Variants in SFMBT2 observed in about 807,000 individuals in gnomAD.
SFMBT2 encodes scm-like with four MBT domains protein 2.
In SFMBT2, 38 loss-of-function variants were observed where a neutral mutation model predicts 110.1. That is an observed-to-expected ratio of 0.35 (90% confidence interval 0.27 to 0.45). SFMBT2 has a LOEUF of 0.45. Ranked by LOEUF, SFMBT2 falls within the 20% of genes least tolerant of loss-of-function variation. The probability of loss-of-function intolerance (pLI) is 1.00; values close to 1 mark genes in which losing one functional copy is unlikely to be tolerated. For missense variants in SFMBT2, 1,011 were observed against 1,094.9 expected (o/e 0.92, Z 1.08); for synonymous variants, 425 against 425.4 (o/e 1.00, Z 0.01).
At chr10:7,321,732 A>G (rs893087201) in intron 4 of SFMBT2, among the ~76,000 whole-genome samples, 1 of 152,214 alleles carries the variant, frequency 6.6e-6, no homozygotes, top group Admixed American at 6.5e-5. Context: ...ATTTCCAAGC[A>G]TATAGCTTTA....
intron 7 of SFMBT2, among the ~76,000 whole-genome samples, chr10:7,248,851 G>T (rs1840707587): frequency 1.3e-5 from 2 of 152,198 alleles, no homozygotes; most frequent in African/African-American, 4.8e-5. Context: ...TTCCAAGGGA[G>T]AGGCAACAAG....
rs183867491 is a variant in SFMBT2, at chr10:7,216,185, C to T, written c.1330+4226G>A. On this transcript the variant is annotated intron_variant, in intron 11 of 20. Transcript: ENST00000397167. ...AAACTGCTGTGACTGCAGCCGACCCCGCTCCCATCGCAGACCGCAGATCAT... is the reference window on the plus strand; with the variant it reads ...AAACTGCTGTGACTGCAGCCGACCCTGCTCCCATCGCAGACCGCAGATCAT... 4.4e-3 allele frequency among the ~76,000 whole-genome samples: 668 copies of T among 152,296 alleles called. 11 individuals are homozygous for T. Among genetic ancestry groups the T allele is most frequent in the East Asian group, 5.8e-3 (30 of 5,182 alleles).
intron 8 of SFMBT2, among the ~76,000 whole-genome samples, chr10:7,246,612 G>A (rs1194400084): frequency 5.3e-5 from 8 of 151,558 alleles, no homozygotes; most frequent in South Asian, 2.1e-4. Flanking sequence ...CCAGCTACTC[G>A]GGAGGCTGAG....
chr10:7,182,923 T>C (rs1294200838), intron 16 of SFMBT2, among the ~76,000 whole-genome samples: 5 of 152,082 alleles, frequency 3.3e-5, no homozygotes, highest in Non-Finnish European at 7.4e-5. Context: ...TGCTTTTCAC[T>C]TTCTACTGAC....
At chr10:7,284,375 C>A in intron 5 of SFMBT2, 1 of 1,285,698 alleles carries the variant, frequency 7.8e-7, no homozygotes, top group Non-Finnish European at 9.8e-7. Flanking sequence ...ACAAAAAAAT[C>A]ACAAGTCAAT....
chr10:7,356,194 A>C (rs1343141242), intron 4 of SFMBT2, among the ~76,000 whole-genome samples: 1 of 152,194 alleles, frequency 6.6e-6, no homozygotes, highest in Non-Finnish European at 1.5e-5. Flanking sequence ...TTGTCTGTGC[A>C]TGTGATTCTC....
At chr10:7,228,797 T>C (rs1840025169) in intron 9 of SFMBT2, among the ~76,000 whole-genome samples, 1 of 149,076 alleles carries the variant, frequency 6.7e-6, no homozygotes, top group African/African-American at 2.5e-5. Flanking sequence ...TCCCTCTCTC[T>C]CTCTCTTTCT....
chr10:7,168,492 C>T (rs920654512), intron 20 of SFMBT2, among the ~76,000 whole-genome samples: 6 of 152,218 alleles, frequency 3.9e-5, no homozygotes, highest in Non-Finnish European at 8.8e-5. Context: ...AGGCACCTCG[C>T]AGGGACTGAA....
At chr10:7,223,397 A>ATG (rs2131660209) in intron 10 of SFMBT2, among the ~76,000 whole-genome samples, 1 of 152,162 alleles carries the variant, frequency 6.6e-6, no homozygotes, top group African/African-American at 2.4e-5. Flanking sequence ...GATGCTGAGC[A>ATG]TGTTTTTTTG....
intron 15 of SFMBT2, among the ~76,000 whole-genome samples, chr10:7,197,264 G>A (rs1025906709): frequency 6.6e-6 from 1 of 152,130 alleles, no homozygotes; most frequent in African/African-American, 2.4e-5. Context: ...TCTTCCCTCT[G>A]TCTTCCCAAA....
chr10:7,332,923 G>A (rs1843607372), intron 4 of SFMBT2, among the ~76,000 whole-genome samples: 1 of 152,216 alleles, frequency 6.6e-6, no homozygotes, highest in African/African-American at 2.4e-5. Context: ...CGGGAGTGCA[G>A]TGGCATGATC....
intron 11 of SFMBT2, among the ~76,000 whole-genome samples, chr10:7,211,177 C>T (rs988861886): frequency 1.3e-5 from 2 of 151,972 alleles, no homozygotes; most frequent in Non-Finnish European, 2.9e-5. Flanking sequence ...TTTCCTTCCT[C>T]GTTTTTATTT....
At chr10:7,329,396 T>TCAGCG in intron 4 of SFMBT2, 2 of 976,806 alleles carry the variant, frequency 2.0e-6, no homozygotes, top group Non-Finnish European at 2.4e-6. Flanking sequence ...TCAGCAGCCA[T>TCAGCG]CAGCGCAGCA....
intron 10 of SFMBT2, among the ~76,000 whole-genome samples, chr10:7,221,963 A>G (rs1335057562): frequency 6.6e-6 from 1 of 152,114 alleles, no homozygotes; most frequent in Admixed American, 6.5e-5. Flanking sequence ...GCAACCACCA[A>G]TCTGTTTTCT....
intron 17 of SFMBT2, among the ~76,000 whole-genome samples, chr10:7,174,305 C>A (rs1373071545): frequency 6.6e-6 from 1 of 152,236 alleles, no homozygotes; most frequent in East Asian, 1.9e-4. Flanking sequence ...CCCTCCCAAA[C>A]CCCAAGCGTG....
intron 4 of SFMBT2, among the ~76,000 whole-genome samples, chr10:7,352,422 A>G (rs1031465305): frequency 6.6e-6 from 1 of 152,210 alleles, no homozygotes; most frequent in Non-Finnish European, 1.5e-5. Context: ...TCCTGAGCTC[A>G]AGCAGTCCTC....
intron 16 of SFMBT2, among the ~76,000 whole-genome samples, chr10:7,184,124 G>T (rs1380188537): frequency 2.6e-5 from 4 of 152,182 alleles, no homozygotes; most frequent in Non-Finnish European, 5.9e-5. Flanking sequence ...AGAGCAGGGT[G>T]GAGACAGAGA....
chr10:7,246,247 C>A (rs1840604593), intron 8 of SFMBT2: 5 of 770,844 alleles, frequency 6.5e-6, no homozygotes, highest in Non-Finnish European at 7.9e-6. Flanking sequence ...AAAATACTTT[C>A]TCCCTCCCCT....
intron 15 of SFMBT2, among the ~76,000 whole-genome samples, chr10:7,192,968 G>A (rs907216505): frequency 1.3e-5 from 2 of 152,136 alleles, no homozygotes; most frequent in Non-Finnish European, 2.9e-5. Context: ...TTACACTGGA[G>A]CAAAAAAACA....
Sources: gnomAD v4.1 joint callset for allele counts (sites outside exome capture counted in the v4.1 genomes callset) on GRCh38, gnomAD v4.1.1 for gene constraint, MANE v1.5 for transcripts, NCBI Gene and HGNC (gene_info 2026-07-23, HGNC 2026-07-21) for gene names.